Variants in GPR39 observed in about 807,000 individuals in gnomAD.
The protein encoded by GPR39 is zinc sensing receptor.
GPR39 carries 23 observed loss-of-function variants against 18.4 expected under a neutral mutation model. The ratio of observed to expected loss-of-function variants is 1.25; its 90% CI spans 0.90 to 1.77. GPR39 has a LOEUF of 1.77. GPR39 is among the 40% of genes most tolerant of loss of function. GPR39 has a pLI of 0.00. For missense variants in GPR39, 647 were observed against 602.4 expected (o/e 1.07, Z -0.78); for synonymous variants, 280 against 257.9 (o/e 1.09, Z -0.82).
In GPR39 at chr2:132,445,900, A is replaced by G. The variant is rs1573605879; in HGVS notation, c.856+28002A>G. Among the ~76,000 whole-genome samples, 5 of 152,296 alleles carry G rather than the reference A, an allele frequency of 3.3e-5. 1 individual carries two copies. Among genetic ancestry groups the G allele is most frequent in the Admixed American group, 3.3e-4 (5 of 15,296 alleles). ...TGGTCACCAGCGGGCTCAGGAGGAG[A>G]CAGGGGCTTGTCTGGCATAGCCCAC... On this transcript the variant is annotated intron_variant, in intron 1 of 1. Transcript: ENST00000329321.
At chr2:132,637,481 A>G (rs1042774491) in intron 1 of GPR39, among the ~76,000 whole-genome samples, 1 of 152,238 alleles carries the variant, frequency 6.6e-6, no homozygotes, top group African/African-American at 2.4e-5. Flanking sequence ...GTCTTCATGG[A>G]CAGAGGCAGC....
At chr2:132,520,138 C>T (rs995167452) in intron 1 of GPR39, among the ~76,000 whole-genome samples, 3 of 152,036 alleles carry the variant, frequency 2.0e-5, no homozygotes, top group Non-Finnish European at 4.4e-5. Flanking sequence ...TCATTCCTTT[C>T]CTCCCCTCTT....
At chr2:132,560,410 C>T (rs77565896) in intron 1 of GPR39, among the ~76,000 whole-genome samples, 1,909 of 152,302 alleles carry the variant, frequency 0.013, 47 homozygotes, top group African/African-American at 0.044. Context: ...TCTCCAGTCT[C>T]TCCCCATCCT....
intron 1 of GPR39, among the ~76,000 whole-genome samples, chr2:132,572,485 T>C (rs72983667): frequency 0.15 from 23,185 of 151,556 alleles, 5,486 homozygotes; most frequent in African/African-American, 0.51. Context: ...CACAGGTTAG[T>C]TGTTTCTCCT....
intron 1 of GPR39, among the ~76,000 whole-genome samples, chr2:132,580,770 T>C (rs1358918638): frequency 2.0e-5 from 3 of 152,226 alleles, no homozygotes; most frequent in South Asian, 4.1e-4. Context: ...AAGAGCAGCC[T>C]GGTCAACTTG....
intron 1 of GPR39, among the ~76,000 whole-genome samples, chr2:132,535,318 A>T (rs1289315990): frequency 6.6e-6 from 1 of 152,216 alleles, no homozygotes; most frequent in African/African-American, 2.4e-5. Context: ...ATCTGTTGGG[A>T]TAATCATGTG....
At chr2:132,548,756 G>A (rs374212661) in intron 1 of GPR39, among the ~76,000 whole-genome samples, 1 of 152,240 alleles carries the variant, frequency 6.6e-6, no homozygotes, top group East Asian at 1.9e-4. Flanking sequence ...AAATAATTAT[G>A]TACAGCATTT....
chr2:132,544,975 A>C (rs1679919776), intron 1 of GPR39, among the ~76,000 whole-genome samples: 1 of 152,210 alleles, frequency 6.6e-6, no homozygotes, highest in African/African-American at 2.4e-5. Flanking sequence ...ATATATGTAA[A>C]ATAGGTGAAG....
At chr2:132,432,705 A>G (rs528243057) in intron 1 of GPR39, among the ~76,000 whole-genome samples, 2 of 152,336 alleles carry the variant, frequency 1.3e-5, no homozygotes, top group Non-Finnish European at 2.9e-5. Context: ...CAAAAATTTA[A>G]TGTGGTACAT....
chr2:132,608,644 C>T (rs1681183526), intron 1 of GPR39, among the ~76,000 whole-genome samples: 1 of 152,194 alleles, frequency 6.6e-6, no homozygotes. Flanking sequence ...ATAAAGTAGC[C>T]TGGCAGGGCT....
chr2:132,567,796 C>T (rs957923170), intron 1 of GPR39, among the ~76,000 whole-genome samples: 6 of 152,120 alleles, frequency 3.9e-5, no homozygotes, highest in African/African-American at 1.4e-4. Flanking sequence ...GATACTTGGG[C>T]CTCACCATCG....
intron 1 of GPR39, among the ~76,000 whole-genome samples, chr2:132,431,487 T>C (rs1680223296): frequency 6.6e-6 from 1 of 152,262 alleles, no homozygotes; most frequent in South Asian, 2.1e-4. Context: ...CACATTGGAA[T>C]GCTGATTGAT....
intron 1 of GPR39, among the ~76,000 whole-genome samples, chr2:132,482,401 A>G (rs868792151): frequency 1.8e-4 from 28 of 152,172 alleles, no homozygotes; most frequent in Admixed American, 4.6e-4. Flanking sequence ...AGAATTGTTC[A>G]TCCTTTTTTT....
At chr2:132,424,600 A>G (rs1488424443) in intron 1 of GPR39, among the ~76,000 whole-genome samples, 1 of 152,206 alleles carries the variant, frequency 6.6e-6, no homozygotes. Flanking sequence ...AGCCCAGCCT[A>G]GTGGACTGGA....
In GPR39 at chr2:132,479,728, T is replaced by C. The variant is rs558042645; in HGVS notation, c.856+61830T>C. Among the ~76,000 whole-genome samples the C allele has an allele frequency of 2.0e-5, 3 of 152,250 alleles. No individual in the cohort carries two copies. The East Asian group carries it at 5.8e-4, about 29-fold the overall frequency. ...AAGTGTTGGAGAGCATATGGAGAAA[T>C]TGGAACCCTTGGGCACTGTTGGCAG... On this transcript the variant is annotated intron_variant, in intron 1 of 1. Transcript: ENST00000329321.
intron 1 of GPR39, among the ~76,000 whole-genome samples, chr2:132,507,143 AT>A (rs1358022814): frequency 6.6e-6 from 1 of 152,168 alleles, no homozygotes; most frequent in Non-Finnish European, 1.5e-5. Flanking sequence ...TGGGAATTCA[AT>A]TTCAACATGA....
intron 1 of GPR39, among the ~76,000 whole-genome samples, chr2:132,557,835 C>T (rs554366378): frequency 4.6e-5 from 7 of 152,180 alleles, no homozygotes; most frequent in Non-Finnish European, 1.0e-4. Flanking sequence ...GGTTTATCCG[C>T]GTTTCTCGTG....
intron 1 of GPR39, among the ~76,000 whole-genome samples, chr2:132,531,354 C>G (rs114963760): frequency 6.6e-6 from 1 of 152,104 alleles, no homozygotes; most frequent in Admixed American, 6.6e-5. Flanking sequence ...ATTCATAGAG[C>G]AAGTCCTTAG....
intron 1 of GPR39, among the ~76,000 whole-genome samples, chr2:132,573,684 A>G (rs1276525586): frequency 2.6e-5 from 4 of 152,202 alleles, no homozygotes; most frequent in African/African-American, 4.8e-5. Context: ...GACAAGTTCA[A>G]TGGGCAAGGA....
Sources: allele counts gnomAD v4.1 joint callset (sites outside exome capture counted in the v4.1 genomes callset), GRCh38; gene constraint gnomAD v4.1.1; transcripts MANE v1.5; gene names NCBI Gene and HGNC (gene_info 2026-07-23, HGNC 2026-07-21).